Variants in DAB1 observed in about 807,000 individuals in gnomAD.
The protein encoded by DAB1 is disabled homolog 1.
Under a neutral mutation model 64.6 loss-of-function variants are expected in DAB1, and 15 were observed. The observed-to-expected ratio is 0.23, with a 90% CI of 0.16 to 0.36. DAB1 has a LOEUF of 0.36. Among genes scored for constraint, DAB1 ranks in the 10% least tolerant of loss-of-function variants. The pLI, the probability that DAB1 is intolerant of heterozygous loss-of-function variation, is 1.00. For synonymous variants in DAB1, 235 were observed against 251.9 expected (o/e 0.93, Z 0.64); for missense variants, 596 against 706.7 (o/e 0.84, Z 1.78).
chr1:57,662,017 G>C (rs1310543023), intron 6 of DAB1, among the ~76,000 whole-genome samples: 1 of 152,074 alleles, frequency 6.6e-6, no homozygotes, highest in Non-Finnish European at 1.5e-5. Context: ...TGGAGATCCA[G>C]CTTCTCAATT....
chr1:58,274,616 C>T (rs1440259960), intron 4 of DAB1, among the ~76,000 whole-genome samples: 1 of 151,634 alleles, frequency 6.6e-6, no homozygotes, highest in Non-Finnish European at 1.5e-5. Context: ...TCGCTGCCGC[C>T]TTGCAGTTTG....
chr1:57,076,877 G>A (rs746060818), intron 4 of DAB1, among the ~76,000 whole-genome samples: 4 of 152,212 alleles, frequency 2.6e-5, no homozygotes, highest in Non-Finnish European at 5.9e-5. Context: ...GTTACTCACA[G>A]CATGTGTACT....
At chr1:57,687,826 T>G (rs1048468723) in intron 6 of DAB1, among the ~76,000 whole-genome samples, 2 of 151,960 alleles carry the variant, frequency 1.3e-5, no homozygotes, top group African/African-American at 2.4e-5. Flanking sequence ...GAAAGGAATC[T>G]CTATTAAATA....
chr1:57,161,875 A>G (rs11206981), intron 2 of DAB1, among the ~76,000 whole-genome samples: 23,861 of 151,938 alleles, frequency 0.16, 5,874 homozygotes, highest in African/African-American at 0.52. Flanking sequence ...AGTTCATACT[A>G]TAAATCTGTG....
chr1:57,259,508 G>A (rs577208247), intron 2 of DAB1, among the ~76,000 whole-genome samples: 69 of 152,214 alleles, frequency 4.5e-4, no homozygotes, highest in African/African-American at 1.6e-3. Context: ...TCCAAGACTG[G>A]GTGAACCACA....
intron 1 of DAB1, among the ~76,000 whole-genome samples, chr1:57,389,267 C>A (rs1163997280): frequency 6.6e-6 from 1 of 152,130 alleles, no homozygotes; most frequent in East Asian, 1.9e-4. Context: ...TTCCAAAAAG[C>A]AAATTTGATC....
intron 6 of DAB1, among the ~76,000 whole-genome samples, chr1:57,664,350 T>C (rs1483464395): frequency 6.6e-6 from 1 of 152,204 alleles, no homozygotes; most frequent in African/African-American, 2.4e-5. Flanking sequence ...AAGTAACTCT[T>C]AGATTTGTAA....
At chr1:58,220,794 C>T (rs910740000) in intron 4 of DAB1, among the ~76,000 whole-genome samples, 1 of 151,894 alleles carries the variant, frequency 6.6e-6, no homozygotes, top group Non-Finnish European at 1.5e-5. Context: ...AGCAAGTGCT[C>T]GCAGAAGGTA....
At chr1:57,310,758 A>G in intron 1 of DAB1, among the ~76,000 whole-genome samples, 1 of 152,196 alleles carries the variant, frequency 6.6e-6, no homozygotes, top group Non-Finnish European at 1.5e-5. Context: ...CTGCAGAACA[A>G]CCACAAGGGT....
chr1:58,412,706 T>G (rs1429961151), intron 3 of DAB1, among the ~76,000 whole-genome samples: 1 of 152,190 alleles, frequency 6.6e-6, no homozygotes, highest in Non-Finnish European at 1.5e-5. Flanking sequence ...ACAGAGCAAT[T>G]GCCCAATAAA....
rs143420484 is a variant in DAB1 at position 57,123,102 on chromosome 1, A to G, written c.306+13441T>C. 4.1e-3 allele frequency among the ~76,000 whole-genome samples: 619 copies of G among 152,302 alleles called. 3 individuals carry two copies. Among genetic ancestry groups the G allele is most frequent in the Non-Finnish European group, 6.9e-3 (467 of 68,024 alleles). On this transcript the variant is annotated intron_variant, in intron 4 of 14. Coordinates refer to ENST00000371236, the MANE Select transcript of DAB1 (RefSeq NM_001365792.1). ...CAGAAATCTTAAATTATAGTAATAA[A>G]GATTGTCAAGTTTTCTCCTCTTGGT...
intron 1 of DAB1, among the ~76,000 whole-genome samples, chr1:57,336,853 T>TA (rs1386675028): frequency 2.0e-5 from 3 of 152,150 alleles, no homozygotes; most frequent in African/African-American, 7.2e-5. Context: ...GATAAGGAAA[T>TA]AGACTCAAGG....
At chr1:57,816,103 A>G (rs969296858) in intron 6 of DAB1, among the ~76,000 whole-genome samples, 3 of 152,208 alleles carry the variant, frequency 2.0e-5, no homozygotes, top group African/African-American at 7.2e-5. Context: ...AGCTCAAAGT[A>G]ATGCTCTCCA....
intron 7 of DAB1, among the ~76,000 whole-genome samples, chr1:57,443,046 T>C (rs1003364272): frequency 6.6e-6 from 1 of 152,226 alleles, no homozygotes; most frequent in Non-Finnish European, 1.5e-5. Flanking sequence ...AAATCTTGGG[T>C]GTTCATTTTA....
chr1:57,912,930 A>C (rs1364998111), intron 5 of DAB1, among the ~76,000 whole-genome samples: 1 of 152,188 alleles, frequency 6.6e-6, no homozygotes, highest in Non-Finnish European at 1.5e-5. Flanking sequence ...ACCACTGCTC[A>C]ACGAAATAAA....
intron 5 of DAB1, among the ~76,000 whole-genome samples, chr1:57,910,372 A>G (rs903179068): frequency 1.3e-5 from 2 of 152,238 alleles, no homozygotes; most frequent in Non-Finnish European, 2.9e-5. Flanking sequence ...TCCAAGAGGC[A>G]TGGCTCCAAA....
chr1:57,673,765 ACT>A (rs1208608097), intron 6 of DAB1, among the ~76,000 whole-genome samples: 1 of 152,138 alleles, frequency 6.6e-6, no homozygotes, highest in Non-Finnish European at 1.5e-5. Flanking sequence ...ATTTGAAAAA[ACT>A]AATGTCTTAT....
intron 5 of DAB1, among the ~76,000 whole-genome samples, chr1:58,050,386 T>C (rs530324940): frequency 1.3e-5 from 2 of 152,198 alleles, no homozygotes; most frequent in Non-Finnish European, 2.9e-5. Context: ...GAACAAAGTG[T>C]AGGTTACAGC....
intron 7 of DAB1, among the ~76,000 whole-genome samples, chr1:57,550,637 A>G (rs1332121071): frequency 6.6e-6 from 1 of 151,488 alleles, no homozygotes; most frequent in East Asian, 1.9e-4. Flanking sequence ...CAACTTTACC[A>G]TATATCTTCT....
Sources: gnomAD v4.1 joint callset for allele counts (sites outside exome capture counted in the v4.1 genomes callset) on GRCh38, gnomAD v4.1.1 for gene constraint, MANE v1.5 for transcripts, NCBI Gene and HGNC (gene_info 2026-07-23, HGNC 2026-07-21) for gene names.